ZPBP: variants seen among roughly 807,000 people sequenced by gnomAD.
ZPBP encodes the protein zona pellucida binding protein.
A neutral mutation model predicts 44.8 loss-of-function variants in ZPBP; 26 were observed. The ratio of observed to expected loss-of-function variants is 0.58; its 90% CI spans 0.43 to 0.81. ZPBP has a LOEUF of 0.81. ZPBP is among the 30% of genes least tolerant of loss of function. The pLI, the probability that ZPBP is intolerant of heterozygous loss-of-function variation, is 0.00. For missense variants in ZPBP, 409 were observed against 434.0 expected (o/e 0.94, Z 0.51); for synonymous variants, 174 against 153.2 (o/e 1.14, Z -1.00).
chr7:49,930,211 C>T (rs190603945), intron 1 of ZPBP, among the ~76,000 whole-genome samples: 23 of 152,286 alleles, frequency 1.5e-4, no homozygotes, highest in Middle Eastern at 3.4e-3. Flanking sequence ...GCTGCAGAGC[C>T]ACTGCACCAG....
At chr7:50,091,703 A>T (rs1472931526) in intron 1 of ZPBP, among the ~76,000 whole-genome samples, 1 of 152,222 alleles carries the variant, frequency 6.6e-6, no homozygotes, top group Non-Finnish European at 1.5e-5. Flanking sequence ...CACATTGTAA[A>T]TATTAAATAA....
At chr7:49,914,806 C>T (rs1036540720) in intron 1 of ZPBP, 1 of 152,094 alleles carries the variant, frequency 6.6e-6, no homozygotes, top group Non-Finnish European at 1.5e-5. Flanking sequence ...GTATAAGTTA[C>T]TCAATTTCAA....
intron 2 of ZPBP, among the ~76,000 whole-genome samples, chr7:49,889,592 T>C (rs768853491): frequency 2.6e-5 from 4 of 152,198 alleles, no homozygotes; most frequent in Non-Finnish European, 5.9e-5. Context: ...TACAGGGTGA[T>C]GACCTAGTCA....
chr7:49,934,973 TATTTG>T (rs1794572470), downstream of ZPBP, among the ~76,000 whole-genome samples: 1 of 152,194 alleles, frequency 6.6e-6, no homozygotes, highest in African/African-American at 2.4e-5. Context: ...TAAAAGGTAT[TATTTG>T]GATGCAAATA....
At chr7:50,068,495 A>C (rs1801649553) in intron 3 of ZPBP, among the ~76,000 whole-genome samples, 1 of 150,348 alleles carries the variant, frequency 6.7e-6, no homozygotes, top group Non-Finnish European at 1.5e-5. Flanking sequence ...CTTTTACATC[A>C]AGCACATTAA....
At chr7:50,065,041 T>A (rs984283837) in intron 3 of ZPBP, among the ~76,000 whole-genome samples, 3 of 152,258 alleles carry the variant, frequency 2.0e-5, no homozygotes, top group African/African-American at 4.8e-5. Flanking sequence ...ACAATCCACG[T>A]TCTTCTGCCA....
intron 4 of ZPBP, among the ~76,000 whole-genome samples, chr7:50,040,924 C>T (rs1032705500): frequency 3.3e-5 from 5 of 152,158 alleles, no homozygotes; most frequent in Non-Finnish European, 4.4e-5. Flanking sequence ...ATTCTCGCTG[C>T]CAGCACAGCT....
intron 5 of ZPBP, among the ~76,000 whole-genome samples, chr7:50,026,132 T>C (rs1352258338): frequency 6.6e-6 from 1 of 151,494 alleles, no homozygotes; most frequent in Non-Finnish European, 1.5e-5. Context: ...AACAAAAATA[T>C]AAACAGATCT....
chr7:49,864,445 G>T (rs1177103559), intron 2 of ZPBP, among the ~76,000 whole-genome samples: 1 of 152,142 alleles, frequency 6.6e-6, no homozygotes, highest in Non-Finnish European at 1.5e-5. Flanking sequence ...AGTGCATGGT[G>T]TTCTAGATTC....
chr7:49,842,981 A>G, the ZPBP span, among the ~76,000 whole-genome samples: 3 of 152,150 alleles, frequency 2.0e-5, no homozygotes, highest in African/African-American at 7.2e-5. Flanking sequence ...GGTTTGGGGT[A>G]CAAGTGATCT....
chr7:49,926,917 C>T (rs1465696872), intron 1 of ZPBP, among the ~76,000 whole-genome samples: 1 of 152,234 alleles, frequency 6.6e-6, no homozygotes, highest in African/African-American at 2.4e-5. Flanking sequence ...CTCACATAGC[C>T]GGGAAAGACT....
Position 50,093,126 on chromosome 7 carries a change from G to C in ZPBP, c.69C>G (p.Leu23=), listed in dbSNP as rs746502812. The change falls in exon 1 of 8, where the codon CTC becomes CTG. Residue 23 remains leucine, a synonymous_variant. Coordinates refer to ENST00000046087, the MANE Select transcript of ZPBP (RefSeq NM_007009.3). ...RRRTRAAGSL[L]SRAAILLFIS... is the part of the protein sequence containing the mutation. The stretch of plus-strand genomic sequence containing the variant: ...TAAAGAGGAGGATGGCGGCCCGAGA[G>C]AGCAGGGAGCCGGCGGCCCGGGTCC... The C allele has an allele frequency of 6.4e-7, 1 of 1,570,826 alleles. No homozygotes were observed. Among genetic ancestry groups the C allele is most frequent in the Admixed American group, 1.8e-5 (1 of 54,166 alleles).
chr7:50,065,973 C>G (rs1471281002), intron 3 of ZPBP, among the ~76,000 whole-genome samples: 2 of 151,124 alleles, frequency 1.3e-5, no homozygotes, highest in Admixed American at 6.6e-5. Context: ...CTTACAATTT[C>G]ATTTGGTTGA....
At chr7:49,937,694 C>T in intron 7 of ZPBP, 72 bp from the exon 8 acceptor site, 2 of 1,215,006 alleles carry the variant, frequency 1.6e-6, no homozygotes, top group Admixed American at 3.4e-5. Context: ...AATCTCAATT[C>T]TTTTAAGTGT....
intron 6 of ZPBP, among the ~76,000 whole-genome samples, chr7:50,005,285 T>A (rs893183107): frequency 6.6e-6 from 1 of 151,904 alleles, no homozygotes; most frequent in Non-Finnish European, 1.5e-5. Context: ...GAATGAAAGG[T>A]CTCTAGAGAA....
chr7:49,996,027 C>A (rs530158475), intron 6 of ZPBP, among the ~76,000 whole-genome samples: 40 of 152,264 alleles, frequency 2.6e-4, no homozygotes, highest in African/African-American at 9.4e-4. Flanking sequence ...TATTCCCACA[C>A]ATTAAATTAA....
chr7:50,037,196 G>A (rs1304210342), intron 4 of ZPBP, among the ~76,000 whole-genome samples: 1 of 152,176 alleles, frequency 6.6e-6, no homozygotes, highest in Non-Finnish European at 1.5e-5. Flanking sequence ...ACAGACTTCT[G>A]ACTAGACAGC....
At chr7:49,911,168 G>T (rs924489571) in intron 1 of ZPBP, among the ~76,000 whole-genome samples, 1 of 152,160 alleles carries the variant, frequency 6.6e-6, no homozygotes, top group African/African-American at 2.4e-5. Context: ...GTTAATGAAA[G>T]TCACAGTGTT....
chr7:50,078,984 CAAA>C, intron 3 of ZPBP, among the ~76,000 whole-genome samples: 1 of 148,708 alleles, frequency 6.7e-6, no homozygotes, highest in African/African-American at 2.5e-5. Context: ...TAAGAGAGAA[CAAA>C]AAAAAAGAGA....
Sources: gnomAD v4.1 joint callset for allele counts (sites outside exome capture counted in the v4.1 genomes callset) on GRCh38, gnomAD v4.1.1 for gene constraint, MANE v1.5 for transcripts, NCBI Gene and HGNC (gene_info 2026-07-23, HGNC 2026-07-21) for gene names.